Variants in LPP observed in about 807,000 individuals in gnomAD.
LPP encodes lipoma-preferred partner.
Under a neutral mutation model 60.4 loss-of-function variants are expected in LPP, and 38 were observed. That is an observed-to-expected ratio of 0.63 (90% CI 0.49 to 0.83). The LOEUF is 0.83. Ranked by LOEUF, LPP falls within the 40% of genes least tolerant of loss-of-function variation. The probability of loss-of-function intolerance (pLI) is 0.00; values close to 1 mark genes in which losing one functional copy is unlikely to be tolerated. For synonymous variants in LPP, 328 were observed against 290.8 expected, an observed-to-expected ratio of 1.13 and a Z score of -1.30; for missense variants, 902 against 783.6, an observed-to-expected ratio of 1.15 and a Z score of -1.80.
chr3:188,723,149 G>A (rs1717118719), intron 8 of LPP, among the ~76,000 whole-genome samples: 1 of 152,084 alleles, frequency 6.6e-6, no homozygotes, highest in Non-Finnish European at 1.5e-5. Flanking sequence ...AATGAATTTT[G>A]ACTCAAATTG....
At chr3:188,213,831 T>C (rs1712289267) in intron 1 of LPP, among the ~76,000 whole-genome samples, 1 of 152,002 alleles carries the variant, frequency 6.6e-6, no homozygotes, top group Non-Finnish European at 1.5e-5. Context: ...GAAGTGAAAA[T>C]TATGCAATTT....
chr3:188,184,685 CT>C (rs34173936), intron 1 of LPP, among the ~76,000 whole-genome samples: 28,638 of 124,676 alleles, frequency 0.23, 3,695 homozygotes, highest in East Asian at 0.6. Flanking sequence ...CTCCGGTAAA[CT>C]TTTTTTTTTT....
At chr3:188,593,769 T>C (rs937095752) in intron 6 of LPP, among the ~76,000 whole-genome samples, 25 of 152,240 alleles carry the variant, frequency 1.6e-4, no homozygotes, top group Non-Finnish European at 8.8e-5. Flanking sequence ...CAAATGCTGT[T>C]AATTCATTCA....
chr3:188,666,892 T>C (rs56113150), intron 7 of LPP, among the ~76,000 whole-genome samples: 5,796 of 152,290 alleles, frequency 0.038, 333 homozygotes, highest in African/African-American at 0.13. Context: ...ACCATCCCCA[T>C]TGGGGAAACC....
intron 6 of LPP, among the ~76,000 whole-genome samples, chr3:188,594,841 A>G (rs1439530450): frequency 6.6e-6 from 1 of 152,158 alleles, no homozygotes; most frequent in African/African-American, 2.4e-5. Context: ...AAATATCTGT[A>G]TTGACACCAC....
intron 6 of LPP, among the ~76,000 whole-genome samples, chr3:188,607,715 A>C (rs1486426456): frequency 6.6e-6 from 1 of 152,120 alleles, no homozygotes; most frequent in Non-Finnish European, 1.5e-5. Context: ...CACATTTTAA[A>C]AATTACTCTG....
At chr3:188,340,510 C>A (rs1252966529) in intron 2 of LPP, among the ~76,000 whole-genome samples, 1 of 144,984 alleles carries the variant, frequency 6.9e-6, no homozygotes, top group Non-Finnish European at 1.5e-5. Context: ...GACATTTTAT[C>A]AAAACTTCCT....
At position 188,294,601 on chromosome 3, in the gene LPP, A is replaced by G. The variant is rs1019075590; in HGVS notation, c.-66-47062A>G. On this transcript the variant is annotated intron_variant, in intron 2 of 11. Transcript: ENST00000617246. The stretch of plus-strand genomic sequence containing the variant: ...TTTTTCTCAGAAGCTTTAAAAATTT[A>G]TACTTTCTCAAATGTTGATTAATGA... Among the ~76,000 whole-genome samples, 3 of 152,222 alleles carry G rather than the reference A, an allele frequency of 2.0e-5. No individual in the cohort carries two copies. In the East Asian group the frequency reaches 5.8e-4, roughly 29 times the overall value.
chr3:188,678,743 A>G (rs941250153), intron 7 of LPP, among the ~76,000 whole-genome samples: 4 of 152,218 alleles, frequency 2.6e-5, no homozygotes, highest in African/African-American at 7.2e-5. Flanking sequence ...TATGTAGATG[A>G]ATAAGACCTA....
At position 188,708,270 on chromosome 3, in the gene LPP, G is replaced by A. The variant is rs1285264624; in HGVS notation, c.1117G>A (p.Gly373Ser). Residue 373 changes from glycine (G) to serine (S), a missense_variant, in exon 8 of 12, where the codon GGC becomes AGC. Coordinates refer to ENST00000617246, the MANE Select transcript of LPP (RefSeq NM_001375462.1). ...CTGTGTGCTTTCTGCCTTTCAGGGT[G>A]GCCATTCAGGGCAACTGGGGCCTTC... ...PCAPPLQPKG[G>S]HSGQLGPSSV... 6.2e-7 allele frequency: 1 copy of A among 1,614,056 alleles called. No homozygotes were observed. Among genetic ancestry groups the A allele is most frequent in the Non-Finnish European group, 8.5e-7 (1 of 1,179,976 alleles).
In LPP at chr3:188,351,984, A is replaced by T. The variant is rs1765986099; in HGVS notation, c.-10+10265A>T. 3.3e-5 allele frequency among the ~76,000 whole-genome samples: 5 copies of T among 152,240 alleles called. No individual in the cohort carries two copies. In the South Asian group the frequency reaches 1.0e-3, roughly 32 times the overall value. ...GTCTGTAGCATTGGCTTTTACTTGC[A>T]CTTACTACATTTTACTCCTGCCTCT... On this transcript the variant is annotated intron_variant, in intron 3 of 11. Coordinates refer to ENST00000617246, the MANE Select transcript of LPP (RefSeq NM_001375462.1).
chr3:188,849,198 G>A (rs1420448695), intron 9 of LPP, among the ~76,000 whole-genome samples: 1 of 152,102 alleles, frequency 6.6e-6, no homozygotes, highest in Non-Finnish European at 1.5e-5. Context: ...TGAGGACGGA[G>A]GGACCCTTTT....
Position 188,609,349 on chromosome 3 carries a change from C to G in LPP, c.618C>G (p.Val206=). 3 of 1,614,114 alleles carry G rather than the reference C, an allele frequency of 1.9e-6. No homozygotes were observed. Among genetic ancestry groups the G allele is most frequent in the Non-Finnish European group, 1.7e-6 (2 of 1,180,014 alleles). ...CACTCAAACCCCAGCCTCAGCCAGT[C>G]CCAGCCTCCTACACCACGGCCTCCA... ...IGTLKPQPQP[V]PASYTTASTS... is the part of the protein sequence containing the mutation. Residue 206 remains valine, a synonymous_variant, in exon 7 of 12, where the codon GTC becomes GTG. Coordinates refer to ENST00000617246, the MANE Select transcript of LPP (RefSeq NM_001375462.1). This position sits in a 1 kb window ranked among gnomAD's most constrained non-coding sequence, Gnocchi z 6.9.
intron 2 of LPP, among the ~76,000 whole-genome samples, chr3:188,270,429 A>C (rs1040886254): frequency 6.6e-6 from 1 of 152,172 alleles, no homozygotes; most frequent in African/African-American, 2.4e-5. Flanking sequence ...TCCTCTTCTC[A>C]AGTTCAGAGT....
rs565596508 is a variant in LPP at position 188,427,205 on chromosome 3, C to T, written c.193+20892C>T. Among the ~76,000 whole-genome samples, 381 of 152,296 alleles carry T rather than the reference C, an allele frequency of 2.5e-3. 3 individuals are homozygous for T. Among genetic ancestry groups the T allele is most frequent in the African/African-American group, 8.5e-3 (355 of 41,558 alleles). ...TGTAAAGGATTTTATTTCTTCTTCA[C>T]TTATGAAGCTTAGTTTGGCTGGATA... On this transcript the variant is annotated intron_variant, in intron 4 of 11. Transcript: ENST00000617246.
chr3:188,309,445 T>A (rs1256592821), intron 2 of LPP, among the ~76,000 whole-genome samples: 1 of 152,198 alleles, frequency 6.6e-6, no homozygotes, highest in African/African-American at 2.4e-5. Context: ...ATGGGCATGA[T>A]GACAGTAATT....
intron 4 of LPP, among the ~76,000 whole-genome samples, chr3:188,459,529 G>A (rs543294971): frequency 1.4e-4 from 22 of 152,110 alleles, no homozygotes; most frequent in South Asian, 2.1e-4. Flanking sequence ...AAGAATTTAC[G>A]TAGCAGTTCC....
chr3:188,217,328 C>G lies in LPP; in HGVS notation c.-189-8077C>G, dbSNP rs1714027544. Among the ~76,000 whole-genome samples, 1 of 152,070 alleles carries G rather than the reference C, an allele frequency of 6.6e-6. No homozygotes were observed. Among genetic ancestry groups the G allele is most frequent in the African/African-American group, 2.4e-5 (1 of 41,394 alleles). ...TGGGAAGGAGTTTGTGTTTGAGGAACAGAAGGAGACTGATGTGCTGGCAGG... is the reference window on the plus strand; with the variant it reads ...TGGGAAGGAGTTTGTGTTTGAGGAAGAGAAGGAGACTGATGTGCTGGCAGG... On this transcript the variant is annotated intron_variant, in intron 1 of 11. Transcript: ENST00000617246. The surrounding 1 kb of genome is among the most constrained non-coding windows in gnomAD (Gnocchi z 4.0).
chr3:188,680,290 ATTG>A (rs1214283556), intron 7 of LPP, among the ~76,000 whole-genome samples: 2 of 152,164 alleles, frequency 1.3e-5, no homozygotes, highest in African/African-American at 2.4e-5. Flanking sequence ...GTGTTTCTAA[ATTG>A]GATCGCTTCA....
Sources: gnomAD v4.1 joint callset for allele counts (sites outside exome capture counted in the v4.1 genomes callset) on GRCh38, gnomAD v4.1.1 for gene constraint, Gnocchi (gnomAD v3.1) non-coding constraint, MANE v1.5 for transcripts, NCBI Gene and HGNC (gene_info 2026-07-23, HGNC 2026-07-21) for gene names.